Variants in DPP6 observed in about 807,000 individuals in gnomAD.
The protein encoded by DPP6 is dipeptidyl peptidase like 6.
Under a neutral mutation model 122.6 loss-of-function variants are expected in DPP6, and 69 were observed. The ratio of observed to expected loss-of-function variants is 0.56; its 90% CI spans 0.46 to 0.69. The LOEUF is 0.69. Among genes scored for constraint, DPP6 ranks in the 30% least tolerant of loss-of-function variants. The probability of loss-of-function intolerance (pLI) is 0.00; values close to 1 mark genes in which losing one functional copy is unlikely to be tolerated. For missense variants in DPP6, 928 were observed against 1,116.9 expected, an observed-to-expected ratio of 0.83 and a Z score of 2.41; for synonymous variants, 418 against 433.1, an observed-to-expected ratio of 0.97 and a Z score of 0.43.
chr7:154,610,765 G>A (rs78192754), intron 5 of DPP6, among the ~76,000 whole-genome samples: 12,142 of 149,218 alleles, frequency 0.081, 556 homozygotes, highest in Middle Eastern at 0.16. Flanking sequence ...CTGTATTTGC[G>A]TTTCTCATCT....
At chr7:154,601,526 C>T (rs1405706555) in intron 5 of DPP6, among the ~76,000 whole-genome samples, 1 of 120,766 alleles carries the variant, frequency 8.3e-6, no homozygotes, top group Non-Finnish European at 1.9e-5. Flanking sequence ...GATAATAAAC[C>T]ATTGCAGCTT....
At chr7:154,889,220 GC>G in intron 23 of DPP6, 51 bp from the exon 24 acceptor site, 1 of 1,582,686 alleles carries the variant, frequency 6.3e-7, no homozygotes, top group Non-Finnish European at 8.6e-7. Flanking sequence ...AGAACACCTG[GC>G]TCCCTGCAGT....
At chr7:154,777,862 C>T (rs113118254) in intron 10 of DPP6, among the ~76,000 whole-genome samples, 1,525 of 152,278 alleles carry the variant, frequency 0.01, 15 homozygotes, top group African/African-American at 0.035. Flanking sequence ...CCCGCTTCCA[C>T]GGCTCACGAA....
At chr7:154,859,849 G>A (rs1022128532) in intron 17 of DPP6, among the ~76,000 whole-genome samples, 4 of 152,320 alleles carry the variant, frequency 2.6e-5, no homozygotes, top group East Asian at 3.9e-4. Flanking sequence ...CCAACTCGAC[G>A]TGTGGGAGTC....
Position 154,892,611 on chromosome 7 carries a change from C to A in DPP6, c.*131C>A, listed in dbSNP as rs185002396. 1.2e-5 allele frequency: 18 copies of A among 1,524,008 alleles called. No individual in the cohort carries two copies. The East Asian group carries it at 4.1e-4, about 35-fold the overall frequency. 94.4% of individuals were successfully genotyped at this position (1,524,008 alleles called of 1,614,324 possible). On this transcript the variant is annotated 3_prime_UTR_variant, in exon 26 of 26. Transcript: ENST00000377770. ...CGGGTGTTCCATAGCATGTGTGTCT[C>A]GGATGCGGAAGGCAGTTTTGCTTGG... is the stretch of plus-strand genomic sequence containing the variant.
intron 2 of DPP6, among the ~76,000 whole-genome samples, chr7:154,463,195 C>CTTTTG: frequency 1.2e-5 from 1 of 84,110 alleles, no homozygotes; most frequent in South Asian, 3.5e-4. Flanking sequence ...TTCTCCTTTT[C>CTTTTG]TTTTTTTTTT....
intron 5 of DPP6, among the ~76,000 whole-genome samples, chr7:154,572,519 T>A (rs1429395386): frequency 4.1e-5 from 2 of 49,136 alleles, no homozygotes; most frequent in Admixed American, 3.4e-4. Flanking sequence ...TCTTTTTTTT[T>A]TTTTTTTTTT....
chr7:154,693,856 G>T (rs189811856), intron 7 of DPP6, among the ~76,000 whole-genome samples: 47 of 152,226 alleles, frequency 3.1e-4, no homozygotes, highest in Non-Finnish European at 6.3e-4. Flanking sequence ...TCTAAGTCTG[G>T]GCAAAAACAG....
chr7:154,472,470 C>T (rs1822364887), intron 2 of DPP6, among the ~76,000 whole-genome samples: 1 of 151,944 alleles, frequency 6.6e-6, no homozygotes, highest in Admixed American at 6.6e-5. Context: ...CAATCCCTCC[C>T]ACTTTCTTAT....
At chr7:154,209,145 T>C (rs968751449) in intron 1 of DPP6, among the ~76,000 whole-genome samples, 1 of 152,198 alleles carries the variant, frequency 6.6e-6, no homozygotes, top group Non-Finnish European at 1.5e-5. Flanking sequence ...GTAACAAAAA[T>C]AGGTGAGAGA....
At chr7:154,146,633 A>G (rs1796097893) in intron 1 of DPP6, among the ~76,000 whole-genome samples, 1 of 152,292 alleles carries the variant, frequency 6.6e-6, no homozygotes, top group Non-Finnish European at 1.5e-5. Flanking sequence ...TGCCATCAGC[A>G]AATGACCACG....
At chr7:154,353,049 G>A (rs868779277) in intron 1 of DPP6, among the ~76,000 whole-genome samples, 1 of 152,190 alleles carries the variant, frequency 6.6e-6, no homozygotes, top group African/African-American at 2.4e-5. Flanking sequence ...CTCTGTAGCC[G>A]TGGCCCCTGG....
At chr7:154,339,414 A>G (rs961665817) in intron 1 of DPP6, among the ~76,000 whole-genome samples, 8 of 152,160 alleles carry the variant, frequency 5.3e-5, no homozygotes, top group Admixed American at 5.2e-4. Context: ...AGGAGGCTTT[A>G]CGGTCCTCTC....
At chr7:154,628,954 C>T (rs995070407) in intron 5 of DPP6, among the ~76,000 whole-genome samples, 8 of 152,226 alleles carry the variant, frequency 5.3e-5, no homozygotes, top group African/African-American at 1.7e-4. Flanking sequence ...AAAGGTGTGG[C>T]GGGGAATGGG....
At chr7:153,972,509 G>A (rs1421361742) in intron 1 of DPP6, among the ~76,000 whole-genome samples, 1 of 151,640 alleles carries the variant, frequency 6.6e-6, no homozygotes, top group Non-Finnish European at 1.5e-5. Flanking sequence ...CAATATTGAA[G>A]TATTTACAGA....
At chr7:153,964,278 G>T (rs1445136831) in intron 1 of DPP6, among the ~76,000 whole-genome samples, 1 of 152,170 alleles carries the variant, frequency 6.6e-6, no homozygotes, top group Non-Finnish European at 1.5e-5. Context: ...TTACAGGCGT[G>T]AGCCACTGTG....
chr7:154,467,074 G>A (rs1229059514), intron 2 of DPP6, among the ~76,000 whole-genome samples: 1 of 152,154 alleles, frequency 6.6e-6, no homozygotes, highest in African/African-American at 2.4e-5. Context: ...TTCAAAAAGG[G>A]AGAAAAAGGA....
chr7:154,855,343 G>A (rs1335615382), intron 17 of DPP6, among the ~76,000 whole-genome samples: 1 of 152,148 alleles, frequency 6.6e-6, no homozygotes, highest in African/African-American at 2.4e-5. Flanking sequence ...AAGCCATAAA[G>A]TGGATGTCAG....
At chr7:153,755,524 G>C in the DPP6 span, among the ~76,000 whole-genome samples, 1 of 150,450 alleles carries the variant, frequency 6.6e-6, no homozygotes, top group African/African-American at 2.5e-5. Context: ...CTTCTCATAA[G>C]AAGCAAAACC....
Sources: allele counts gnomAD v4.1 joint callset (sites outside exome capture counted in the v4.1 genomes callset), GRCh38; gene constraint gnomAD v4.1.1; transcripts MANE v1.5; gene names NCBI Gene and HGNC (gene_info 2026-07-23, HGNC 2026-07-21).